Variants in LY6K observed in about 807,000 individuals in gnomAD.
The protein encoded by LY6K is lymphocyte antigen 6 family member K, also known as lymphocyte antigen 6K.
Under a neutral mutation model 10.4 loss-of-function variants are expected in LY6K, and 9 were observed. The observed-to-expected ratio is 0.87, with a 90% CI of 0.52 to 1.52. The LOEUF is 1.52. Ranked by LOEUF, LY6K falls within the 40% of genes most tolerant of loss-of-function variation. The pLI is 0.00. For missense variants in LY6K, 217 were observed against 211.7 expected, an observed-to-expected ratio of 1.02 and a Z score of -0.15; for synonymous variants, 98 against 83.7, an observed-to-expected ratio of 1.17 and a Z score of -0.94.
intron 2 of LY6K, 198 bp downstream of exon 2, chr8:142,701,911 G>A: frequency 3.9e-6 from 2 of 511,384 alleles, no homozygotes; most frequent in Admixed American, 3.2e-5. Flanking sequence ...CCGGGTTCAA[G>A]CGATTCTCCT....
In LY6K at chr8:142,701,710, G is replaced by A. The variant is rs782114292; in HGVS notation, c.214G>A (p.Val72Met). ...WTEPYCVIAA[V>M]KIFPRFFMVA... The stretch of plus-strand genomic sequence containing the variant: ...AGAGCCATACTGCGTTATAGCGGCC[G>A]TGAGTGAGTATCTTCGCTCTTGTTG... The change falls in exon 2 of 3, where the codon GTG becomes ATG. Residue 72 changes from valine to methionine, a missense_variant. Val to Met is a conservative substitution (Grantham distance 21). Coordinates refer to ENST00000292430, the MANE Select transcript of LY6K (RefSeq NM_017527.4). 2.5e-6 allele frequency: 4 copies of A among 1,606,290 alleles called. No individual in the cohort carries two copies. The highest frequency in any genetic ancestry group is 2.2e-5 in the East Asian group (1 of 44,838).
At position 142,701,604 on chromosome 8, in the gene LY6K, G is replaced by C; in HGVS notation, c.108G>C (p.Glu36Asp). 6.2e-7 allele frequency: 1 copy of C among 1,602,704 alleles called. No individual in the cohort carries two copies. Among genetic ancestry groups the C allele is most frequent in the Non-Finnish European group, 8.5e-7 (1 of 1,169,622 alleles). Residue 36 changes from glutamate to aspartate, a missense_variant, in exon 2 of 3, where the codon GAG becomes GAC. By Grantham distance (45) the Glu-to-Asp change is conservative. Coordinates refer to ENST00000292430, the MANE Select transcript of LY6K (RefSeq NM_017527.4). ...CTTTTTTATTCCTCCTTTCAGACGA[G>C]GGTGACAATAGAGTGTGGTGTCATG... The part of the protein sequence containing the change: ...RDPEDSQRTD[E>D]GDNRVWCHVC...
rs1014634133 is a variant in LY6K at position 142,702,847 on chromosome 8, C to T, written c.218-244C>T. ...AGACCTGTTTGTTCCCAAACAGCAA[C>T]CCCTAGACCCGCATTCCCAGTGCAT... On this transcript the variant is annotated intron_variant, in intron 2 of 2. Coordinates refer to ENST00000292430, the MANE Select transcript of LY6K (RefSeq NM_017527.4). The T allele has an allele frequency of 5.2e-6, 8 of 1,530,514 alleles. No homozygotes were observed. In the African/African-American group the frequency reaches 1.1e-4, roughly 21 times the overall value. The allele number at this position is 1,530,514 out of a possible 1,614,324, so 94.8% of individuals were successfully genotyped here. A position where few individuals can be genotyped will look rare whatever the true frequency, so the allele number is the denominator to read the frequency against.
Position 142,700,428 on chromosome 8 carries a change from C to G in LY6K, c.-100C>G. 1 of 1,402,410 alleles carries G rather than the reference C, an allele frequency of 7.1e-7. No individual in the cohort carries two copies. The highest frequency in any genetic ancestry group is 1.5e-5 in the African/African-American group (1 of 66,574). 86.9% of individuals were successfully genotyped at this position (1,402,410 alleles called of 1,614,324 possible). On this transcript the variant is annotated 5_prime_UTR_variant, in exon 1 of 3. The change creates a premature stop within an existing upstream ORF in the 5' untranslated region. Transcript: ENST00000292430. ...CCCGGGGCGGGCGGGGCTCCCCCTACCGGCCAGACCCGGGGAGAGGCGCGC... is the reference window on the plus strand; with the variant it reads ...CCCGGGGCGGGCGGGGCTCCCCCTAGCGGCCAGACCCGGGGAGAGGCGCGC...
intron 2 of LY6K, chr8:142,702,588 T>C: frequency 6.5e-7 from 1 of 1,535,476 alleles, no homozygotes; most frequent in Admixed American, 2.0e-5. Context: ...GGTGCTGAGG[T>C]GATGCTTCAG....
chr8:142,700,446 A>C lies in LY6K; in HGVS notation c.-82A>C. On this transcript the variant is annotated 5_prime_UTR_variant, in exon 1 of 3. Coordinates refer to ENST00000292430, the MANE Select transcript of LY6K (RefSeq NM_017527.4). Reference sequence around the variant, plus strand: ...CCCCCTACCGGCCAGACCCGGGGAGAGGCGCGCGGAGGCTGCGAAGGTTCC... The same window carrying C: ...CCCCCTACCGGCCAGACCCGGGGAGCGGCGCGCGGAGGCTGCGAAGGTTCC... 6.8e-7 allele frequency: 1 copy of C among 1,468,538 alleles called. No individual in the cohort carries two copies. The highest frequency in any genetic ancestry group is 9.0e-7 in the Non-Finnish European group (1 of 1,110,772). 91.0% of individuals were successfully genotyped at this position (1,468,538 alleles called of 1,614,324 possible).
rs1350420827 is a variant in LY6K at position 142,700,449 on chromosome 8, C to T, written c.-79C>T. 6 of 1,481,188 alleles carry T rather than the reference C, an allele frequency of 4.1e-6. No individual in the cohort carries two copies. In the African/African-American group the frequency reaches 5.8e-5, roughly 14 times the overall value. 91.8% of individuals were successfully genotyped at this position (1,481,188 alleles called of 1,614,324 possible). On this transcript the variant is annotated 5_prime_UTR_variant, in exon 1 of 3. Coordinates refer to ENST00000292430, the MANE Select transcript of LY6K (RefSeq NM_017527.4). ...CCTACCGGCCAGACCCGGGGAGAGG[C>T]GCGCGGAGGCTGCGAAGGTTCCAGA...
At chr8:142,701,869 G>A (rs1282915676) in intron 2 of LY6K, 156 bp downstream of exon 2, 1 of 587,820 alleles carries the variant, frequency 1.7e-6, no homozygotes, top group South Asian at 2.0e-5. Context: ...GGAGTGCAGT[G>A]GTGTGATCTC....
Position 142,700,537 on chromosome 8 carries a change from C to G in LY6K, c.10C>G (p.Leu4Val). The change falls in exon 1 of 3, where the codon CTC becomes GTC. Residue 4 changes from leucine (L) to valine (V), a missense_variant. Leu to Val is a conservative substitution (Grantham distance 32). Transcript: ENST00000292430. ...GGCACCGCTGGGGACGATGGCGCTG[C>G]TCGCCTTGCTGCTGGTCGTGGCCCT... MAL[L>V]ALLLVVALPR... The G allele has an allele frequency of 6.3e-7, 1 of 1,581,800 alleles. No homozygotes were observed. The highest frequency in any genetic ancestry group is 1.2e-5 in the South Asian group (1 of 86,572).
At position 142,700,427 on chromosome 8, in the gene LY6K, A is replaced by C; in HGVS notation, c.-101A>C. ...CCCCGGGGCGGGCGGGGCTCCCCCT[A>C]CCGGCCAGACCCGGGGAGAGGCGCG... On this transcript the variant is annotated 5_prime_UTR_variant, in exon 1 of 3. Coordinates refer to ENST00000292430, the MANE Select transcript of LY6K (RefSeq NM_017527.4). The C allele has an allele frequency of 7.2e-7, 1 of 1,395,304 alleles. No homozygotes were observed. The highest frequency in any genetic ancestry group is 9.3e-7 in the Non-Finnish European group (1 of 1,075,544). The allele number at this position is 1,395,304 out of a possible 1,614,324, so 86.4% of individuals were successfully genotyped here.
At chr8:142,700,743 G>GCGGCC (rs1814979073) in intron 1 of LY6K, 113 bp downstream of exon 1, 1 of 1,125,222 alleles carries the variant, frequency 8.9e-7, no homozygotes, top group Non-Finnish European at 1.2e-6. Flanking sequence ...GAGCGTTCAG[G>GCGGCC]CGGCCCGTGG....
Position 142,700,429 on chromosome 8 carries a change from C to G in LY6K, c.-99C>G. On this transcript the variant is annotated 5_prime_UTR_variant, in exon 1 of 3. Transcript: ENST00000292430. ...CCGGGGCGGGCGGGGCTCCCCCTAC[C>G]GGCCAGACCCGGGGAGAGGCGCGCG... The G allele has an allele frequency of 7.1e-7, 1 of 1,403,542 alleles. No homozygotes were observed. 86.9% of individuals were successfully genotyped at this position (1,403,542 alleles called of 1,614,324 possible).
In LY6K at chr8:142,701,610, C is replaced by CTATT; in HGVS notation, c.114_115insTATT (p.Asn39TyrfsTer2). On this transcript the variant is annotated frameshift_variant, in exon 2 of 3. Transcript: ENST00000292430. LOFTEE classifies it high-confidence loss of function. Reference sequence around the variant, plus strand: ...TATTCCTCCTTTCAGACGAGGGTGACAATAGAGTGTGGTGTCATGTTTGTG... The same window carrying CTATT: ...TATTCCTCCTTTCAGACGAGGGTGACTATTAATAGAGTGTGGTGTCATGTTTGTG... The CTATT allele has an allele frequency of 6.2e-7, 1 of 1,609,146 alleles. No individual in the cohort carries two copies. The highest frequency in any genetic ancestry group is 8.5e-7 in the Non-Finnish European group (1 of 1,175,542).
Position 142,700,376 on chromosome 8 carries a change from A to T in LY6K, c.-152A>T. ...GAGATGAGGCTCCAAAGACCCCGAC[A>T]GGCCCCGGCGGGTGGGAGGCGCGCG... On this transcript the variant is annotated 5_prime_UTR_variant, in exon 1 of 3. Transcript: ENST00000292430. 1.5e-6 allele frequency: 2 copies of T among 1,335,666 alleles called. No homozygotes were observed. Among genetic ancestry groups the T allele is most frequent in the South Asian group, 1.8e-5 (1 of 54,642 alleles). The allele number at this position is 1,335,666 out of a possible 1,614,324, so 82.7% of individuals were successfully genotyped here. A position where few individuals can be genotyped will look rare whatever the true frequency, so the allele number is the denominator to read the frequency against.
Position 142,700,262 on chromosome 8 carries a change from C to A in LY6K, c.-266C>A. On this transcript the variant is annotated 5_prime_UTR_variant, in exon 1 of 3. Transcript: ENST00000292430. ...GCGCCTTTCCCAGGGCTCCCGCGCC[C>A]GTTCCTGCCTGGCCGCCGGCCGCTC... The A allele has an allele frequency of 8.9e-7, 1 of 1,129,350 alleles. No homozygotes were observed. Among genetic ancestry groups the A allele is most frequent in the East Asian group, 4.3e-5 (1 of 23,382 alleles). 70.0% of individuals were successfully genotyped at this position (1,129,350 alleles called of 1,614,324 possible).
At chr8:142,702,894 G>C (rs587751646) in intron 2 of LY6K, 197 bp from the exon 3 acceptor site, 1 of 1,549,428 alleles carries the variant, frequency 6.5e-7, no homozygotes, top group African/African-American at 1.4e-5. Flanking sequence ...ATACCACGCA[G>C]AAGCCAGCCC....
rs1450602083 is a variant in LY6K at position 142,700,761 on chromosome 8, AAGCCTCTGGGG to A, written c.103+138_103+148del. 8.0e-6 allele frequency: 8 copies of A among 999,018 alleles called. No individual in the cohort carries two copies. The African/African-American group carries it at 1.4e-4, about 17-fold the overall frequency. 61.9% of individuals were successfully genotyped at this position (999,018 alleles called of 1,614,324 possible). Reference sequence around the variant, plus strand: ...CGTTCAGGCGGCCCGTGGCGCCTGGAAGCCTCTGGGGAGCCTCGCCTCGTGCGGCTTCCACC... The same window carrying A: ...CGTTCAGGCGGCCCGTGGCGCCTGGAAGCCTCGCCTCGTGCGGCTTCCACC... On this transcript the variant is annotated intron_variant, in intron 1 of 2. Transcript: ENST00000292430.
intron 2 of LY6K, chr8:142,702,543 A>G: frequency 6.5e-7 from 1 of 1,535,566 alleles, no homozygotes; most frequent in Non-Finnish European, 8.7e-7. Context: ...CCCAGCAGTC[A>G]CTCTCCAGCC....
In LY6K at chr8:142,704,229, G is replaced by A. The variant is rs880002219; in HGVS notation, c.*858G>A. 1.3e-4 allele frequency: 20 copies of A among 152,278 alleles called. No homozygotes were observed. Among genetic ancestry groups the A allele is most frequent in the Admixed American group, 5.9e-4 (9 of 15,294 alleles). The allele number at this position is 152,278 out of a possible 1,614,324, so 9.4% of individuals were successfully genotyped here. A position where few individuals can be genotyped will look rare whatever the true frequency, so the allele number is the denominator to read the frequency against. On this transcript the variant is annotated 3_prime_UTR_variant, in exon 3 of 3. Transcript: ENST00000292430. ...ATTTCTCAGCATGAGCTCCATCAAG[G>A]TCGAGACGCTTCTGCAAGTAATGGT...
Sources: gnomAD v4.1 joint callset for allele counts on GRCh38, gnomAD v4.1.1 for gene constraint, MANE v1.5 for transcripts, NCBI Gene and HGNC (gene_info 2026-07-23, HGNC 2026-07-21) for gene names.